SLC16A7: variants seen among roughly 807,000 people sequenced by gnomAD.
SLC16A7 encodes monocarboxylate transporter 2.
A neutral mutation model predicts 34.9 loss-of-function variants in SLC16A7; 33 were observed. That is an observed-to-expected ratio of 0.94 (90% CI 0.72 to 1.26). The LOEUF (loss-of-function observed/expected upper bound fraction) is 1.26, where lower values mean the gene tolerates loss of function less well. SLC16A7 is among the 50% of genes most tolerant of loss of function. The probability of loss-of-function intolerance (pLI) is 0.00; values close to 1 mark genes in which losing one functional copy is unlikely to be tolerated. For synonymous variants in SLC16A7, 201 were observed against 206.6 expected (o/e 0.97, Z 0.23); for missense variants, 573 against 578.1 (o/e 0.99, Z 0.09).
chr12:59,686,141 G>A (rs556139357), intron 2 of SLC16A7, among the ~76,000 whole-genome samples: 40 of 128,168 alleles, frequency 3.1e-4, no homozygotes, highest in African/African-American at 8.8e-4. Context: ...CTGTTCTGTC[G>A]CCATAGTTTT....
intron 3 of SLC16A7, among the ~76,000 whole-genome samples, chr12:59,747,082 T>A (rs1878976194): frequency 6.6e-6 from 1 of 152,192 alleles, no homozygotes; most frequent in Non-Finnish European, 1.5e-5. Context: ...TCCTCCTGCC[T>A]CAGACTCCCA....
At position 59,716,334 on chromosome 12, in the gene SLC16A7, G is replaced by A. The variant is rs368082533; in HGVS notation, c.217+11316G>A. Among the ~76,000 whole-genome samples the A allele has an allele frequency of 1.3e-3, 197 of 152,214 alleles. 4 individuals carry two copies. The South Asian group carries it at 0.02, about 16-fold the overall frequency. On this transcript the variant is annotated intron_variant, in intron 3 of 5. Coordinates refer to ENST00000547379, the MANE Select transcript of SLC16A7 (RefSeq NM_001270623.2). ...TGGAAGGCTGAAATGGAATAAAACC[G>A]TTAAATAGAACTCCGATCTACGTCA...
chr12:59,679,256 A>G (rs1870556404), intron 2 of SLC16A7, among the ~76,000 whole-genome samples: 1 of 152,114 alleles, frequency 6.6e-6, no homozygotes, highest in Non-Finnish European at 1.5e-5. Context: ...GCTCCCAGGG[A>G]GTGCAAGACT....
intron 3 of SLC16A7, among the ~76,000 whole-genome samples, chr12:59,745,638 G>A (rs181394843): frequency 6.6e-6 from 1 of 152,234 alleles, no homozygotes; most frequent in East Asian, 1.9e-4. Context: ...ATATAGAACT[G>A]TGGCAATTAT....
At chr12:59,631,554 T>G (rs1451517592) in intron 1 of SLC16A7, among the ~76,000 whole-genome samples, 1 of 152,044 alleles carries the variant, frequency 6.6e-6, no homozygotes, top group Admixed American at 6.6e-5. Context: ...TTATTTCATT[T>G]TAAGTTCCAG....
intron 2 of SLC16A7, among the ~76,000 whole-genome samples, chr12:59,665,726 G>C (rs981307263): frequency 6.6e-6 from 1 of 151,538 alleles, no homozygotes; most frequent in African/African-American, 2.4e-5. Flanking sequence ...CTGGCATCAT[G>C]AATTACAGGA....
chr12:59,612,879 G>A (rs1313887509), intron 1 of SLC16A7, among the ~76,000 whole-genome samples: 1 of 152,134 alleles, frequency 6.6e-6, no homozygotes, highest in Non-Finnish European at 1.5e-5. Context: ...TTTTGGTCAA[G>A]GCCATTCAAC....
chr12:59,760,724 T>C (rs1262966871), intron 3 of SLC16A7, among the ~76,000 whole-genome samples: 1 of 152,010 alleles, frequency 6.6e-6, no homozygotes, highest in Non-Finnish European at 1.5e-5. Context: ...AAGGAAGGAT[T>C]CACATCCCAA....
intron 1 of SLC16A7, among the ~76,000 whole-genome samples, chr12:59,639,417 C>G (rs1205498473): frequency 3.3e-5 from 5 of 152,122 alleles, no homozygotes; most frequent in African/African-American, 4.8e-5. Context: ...CCAGATCTCA[C>G]TCGGTTGCCC....
chr12:59,597,234 C>T (rs1878460651), intron 1 of SLC16A7: 1 of 147,456 alleles, frequency 6.8e-6, no homozygotes, highest in South Asian at 2.2e-4. Context: ...CACACACACA[C>T]ACACACACAC....
intron 2 of SLC16A7, among the ~76,000 whole-genome samples, chr12:59,688,353 G>A (rs1203722412): frequency 6.6e-6 from 1 of 152,082 alleles, no homozygotes. Context: ...AAGATAGTAA[G>A]TTGGTAGGAA....
At chr12:59,651,470 C>T (rs1180014445) in intron 1 of SLC16A7, among the ~76,000 whole-genome samples, 1 of 152,106 alleles carries the variant, frequency 6.6e-6, no homozygotes, top group Non-Finnish European at 1.5e-5. Context: ...GCCATGAAAA[C>T]AGCTGTATAC....
rs1006923660 is a variant in SLC16A7, at chr12:59,688,741, G to A, written c.-30-16031G>A. ...CAAATCAATATAAAACAAAAAAGGA[G>A]AAACTTAAAACAACGTAGGTAAGAT... On this transcript the variant is annotated intron_variant, in intron 2 of 5. Transcript: ENST00000547379. Among the ~76,000 whole-genome samples the A allele has an allele frequency of 3.0e-4, 45 of 152,062 alleles. 1 individual carries two copies. Among genetic ancestry groups the A allele is most frequent in the South Asian group, 6.2e-4 (3 of 4,822 alleles).
At chr12:59,656,772 T>G (rs1355203870) in intron 2 of SLC16A7, among the ~76,000 whole-genome samples, 1 of 151,952 alleles carries the variant, frequency 6.6e-6, no homozygotes, top group Non-Finnish European at 1.5e-5. Flanking sequence ...GATTGAATTT[T>G]TTGTTCCATG....
chr12:59,714,236 CA>C (rs901673438), intron 3 of SLC16A7, among the ~76,000 whole-genome samples: 1 of 152,142 alleles, frequency 6.6e-6, no homozygotes, highest in African/African-American at 2.4e-5. Context: ...TTGTGTTTGA[CA>C]GTCTAAAACC....
intron 1 of SLC16A7, among the ~76,000 whole-genome samples, chr12:59,653,070 T>C (rs548873465): frequency 1.3e-5 from 2 of 151,856 alleles, no homozygotes; most frequent in Non-Finnish European, 3.0e-5. Flanking sequence ...CACAAACATA[T>C]AACTTTTAAG....
intron 1 of SLC16A7, among the ~76,000 whole-genome samples, chr12:59,631,017 T>C (rs1305505813): frequency 6.6e-6 from 1 of 151,958 alleles, no homozygotes. Context: ...CTTAGCTTAT[T>C]TTTGGCTAAA....
At chr12:59,663,164 A>G (rs1868948744) in intron 2 of SLC16A7, among the ~76,000 whole-genome samples, 1 of 151,996 alleles carries the variant, frequency 6.6e-6, no homozygotes, top group Non-Finnish European at 1.5e-5. Flanking sequence ...TCTTGATAAT[A>G]TAATTTTTAC....
intron 2 of SLC16A7, chr12:59,664,555 A>G (rs1869038873): frequency 6.6e-6 from 1 of 152,162 alleles, no homozygotes; most frequent in African/African-American, 2.4e-5. Flanking sequence ...ATAGTACAGT[A>G]TTTTTGCAAT....
Sources: allele counts gnomAD v4.1 joint callset (sites outside exome capture counted in the v4.1 genomes callset), GRCh38; gene constraint gnomAD v4.1.1; transcripts MANE v1.5; gene names NCBI Gene and HGNC (gene_info 2026-07-23, HGNC 2026-07-21).